SHC3: variants seen among roughly 807,000 people sequenced by gnomAD.
SHC3 encodes SHC adaptor protein 3.
In SHC3, 15 loss-of-function variants were observed where a neutral mutation model predicts 60.4. The observed-to-expected ratio is 0.25, with a 90% confidence interval of 0.17 to 0.38. The LOEUF is 0.38. SHC3 is among the 10% of genes least tolerant of loss of function. The pLI is 1.00. For missense variants in SHC3, 677 were observed against 786.1 expected (o/e 0.86, Z 1.66); for synonymous variants, 294 against 325.9 (o/e 0.90, Z 1.05).
At chr9:89,044,929 C>T (rs1824747429) in intron 9 of SHC3, among the ~76,000 whole-genome samples, 1 of 152,214 alleles carries the variant, frequency 6.6e-6, no homozygotes, top group Non-Finnish European at 1.5e-5. Flanking sequence ...CCTGGTGCCA[C>T]CTCTGCCTCA....
chr9:89,016,842 A>T (rs960376608), intron 11 of SHC3, among the ~76,000 whole-genome samples: 1 of 152,238 alleles, frequency 6.6e-6, no homozygotes, highest in Non-Finnish European at 1.5e-5. Context: ...TATTTCAGGT[A>T]TGCGAAGTTG....
At chr9:89,130,313 A>T (rs1311449091) in intron 1 of SHC3, among the ~76,000 whole-genome samples, 2 of 152,168 alleles carry the variant, frequency 1.3e-5, no homozygotes, top group African/African-American at 4.8e-5. Context: ...CACAATAATA[A>T]TGGGAGACTT....
intron 1 of SHC3, among the ~76,000 whole-genome samples, chr9:89,158,329 A>G (rs766495384): frequency 2.6e-5 from 4 of 152,016 alleles, no homozygotes; most frequent in Non-Finnish European, 4.4e-5. Flanking sequence ...TCTATTATCA[A>G]TTATTAATTT....
At chr9:89,035,012 T>C (rs1004286854) in intron 11 of SHC3, among the ~76,000 whole-genome samples, 5 of 152,182 alleles carry the variant, frequency 3.3e-5, no homozygotes, top group African/African-American at 1.2e-4. Flanking sequence ...TGTTAAACCA[T>C]CACAGCTGTA....
At chr9:89,076,982 T>C (rs1359122069) in intron 3 of SHC3, among the ~76,000 whole-genome samples, 3 of 151,902 alleles carry the variant, frequency 2.0e-5, no homozygotes, top group Non-Finnish European at 4.4e-5. Context: ...GTCGAGACCA[T>C]CCTGGCCAAT....
rs755281337 is a variant in SHC3, at chr9:89,038,088, C to T, written c.1561G>A (p.Val521Ile). 2.9e-5 allele frequency: 47 copies of T among 1,613,976 alleles called. No homozygotes were observed. The Middle Eastern group carries it at 4.4e-3, about 152-fold the overall frequency. The change falls in exon 11 of 12, where the codon GTC (valine) becomes ATC (isoleucine). Residue 521 changes from valine to isoleucine, a missense_variant. Transcript: ENST00000375835. Reference protein sequence around the residue: ...GLLEKDGDFLVRKSTTNPGSF... With the variant: ...GLLEKDGDFLIRKSTTNPGSF... ...CCCGGGTTGGTGGTGCTCTTCCTGA[C>T]CAGGAAGTCTCCGTCTTTCTCCAGC...
chr9:89,084,914 G>C (rs1009196399), intron 2 of SHC3, among the ~76,000 whole-genome samples: 6 of 152,320 alleles, frequency 3.9e-5, no homozygotes, highest in African/African-American at 1.4e-4. Context: ...GGGTTGGATG[G>C]GGCTGCCCAA....
intron 2 of SHC3, among the ~76,000 whole-genome samples, chr9:89,092,003 G>A (rs1320247858): frequency 6.6e-6 from 1 of 152,210 alleles, no homozygotes; most frequent in African/African-American, 2.4e-5. Context: ...GCACATGGAT[G>A]TGAAAAAGTG....
intron 11 of SHC3, among the ~76,000 whole-genome samples, chr9:89,014,084 G>A (rs1193591070): frequency 6.6e-6 from 1 of 152,136 alleles, no homozygotes; most frequent in African/African-American, 2.4e-5. Context: ...CAGACATCCT[G>A]GGCACCCACC....
intron 1 of SHC3, among the ~76,000 whole-genome samples, chr9:89,174,620 A>G (rs1308030672): frequency 6.6e-6 from 1 of 152,146 alleles, no homozygotes; most frequent in Non-Finnish European, 1.5e-5. Context: ...GGTCATTTCT[A>G]AATATGGTCA....
intron 4 of SHC3, among the ~76,000 whole-genome samples, chr9:89,073,241 A>G (rs1304838798): frequency 6.6e-6 from 1 of 152,244 alleles, no homozygotes; most frequent in African/African-American, 2.4e-5. Flanking sequence ...ATTTGGAAAA[A>G]AAATGAAAGT....
intron 6 of SHC3, among the ~76,000 whole-genome samples, chr9:89,055,794 T>G (rs1824939273): frequency 6.6e-6 from 1 of 152,214 alleles, no homozygotes; most frequent in African/African-American, 2.4e-5. Context: ...CTTCTCTAAG[T>G]CACAGTTATC....
intron 1 of SHC3, among the ~76,000 whole-genome samples, chr9:89,147,691 A>C (rs975123052): frequency 3.3e-5 from 5 of 151,906 alleles, no homozygotes; most frequent in African/African-American, 1.2e-4. Flanking sequence ...TTCCCCTTTT[A>C]TTACACCAAA....
At chr9:89,047,542 C>G (rs1271040014) in intron 7 of SHC3, among the ~76,000 whole-genome samples, 1 of 152,130 alleles carries the variant, frequency 6.6e-6, no homozygotes, top group Non-Finnish European at 1.5e-5. Flanking sequence ...ACTCGTACGA[C>G]TCAACAATGA....
At chr9:89,149,228 C>A (rs1322393934) in intron 1 of SHC3, among the ~76,000 whole-genome samples, 3 of 152,192 alleles carry the variant, frequency 2.0e-5, no homozygotes, top group African/African-American at 7.2e-5. Flanking sequence ...CCAATTTACA[C>A]ATCCACTCAT....
chr9:89,072,752 A>G lies in SHC3; in HGVS notation c.730-1500T>C, dbSNP rs142645037. Reference sequence around the variant, plus strand: ...AGCTCATCTCTAACCCAACATAACCAGGTTTAGTTCTGCAGAGTCCCCTTG... The same window carrying G: ...AGCTCATCTCTAACCCAACATAACCGGGTTTAGTTCTGCAGAGTCCCCTTG... On this transcript the variant is annotated intron_variant, in intron 4 of 11. Transcript: ENST00000375835. Among the ~76,000 whole-genome samples the G allele has an allele frequency of 5.3e-3, 800 of 152,308 alleles. 6 individuals carry two copies. The highest frequency in any genetic ancestry group is 0.018 in the African/African-American group (752 of 41,560).
chr9:89,045,939 C>T (rs1200758353), intron 8 of SHC3, 106 bp from the exon 9 acceptor site: 3 of 1,087,462 alleles, frequency 2.8e-6, no homozygotes, highest in East Asian at 2.5e-5. Flanking sequence ...AGGTGGTTCG[C>T]ATCCTCTGTT....
intron 2 of SHC3, among the ~76,000 whole-genome samples, chr9:89,103,344 G>A (rs1825810668): frequency 6.6e-6 from 1 of 152,302 alleles, no homozygotes; most frequent in Non-Finnish European, 1.5e-5. Flanking sequence ...TTTTGAGTTT[G>A]GGAGACCACG....
At chr9:89,114,514 C>T (rs1313645837) in intron 1 of SHC3, among the ~76,000 whole-genome samples, 3 of 151,932 alleles carry the variant, frequency 2.0e-5, no homozygotes, top group Non-Finnish European at 2.9e-5. Context: ...TATTAGGTAT[C>T]GTAAATAATC....
Sources: allele counts gnomAD v4.1 joint callset (sites outside exome capture counted in the v4.1 genomes callset), GRCh38; gene constraint gnomAD v4.1.1; transcripts MANE v1.5; gene names NCBI Gene and HGNC (gene_info 2026-07-23, HGNC 2026-07-21).